Variants in LARGE1 observed in about 807,000 individuals in gnomAD.
LARGE1 encodes xylosyl- and glucuronyltransferase LARGE1.
LARGE1 carries 43 observed loss-of-function variants against 87.6 expected under a neutral mutation model. That is an observed-to-expected ratio of 0.49 (90% CI 0.38 to 0.63). The LOEUF is 0.63. Among genes scored for constraint, LARGE1 ranks in the 30% least tolerant of loss-of-function variants. The pLI is 0.00. For missense variants in LARGE1, 802 were observed against 1,000.2 expected, an observed-to-expected ratio of 0.80 and a Z score of 2.67; for synonymous variants, 434 against 394.6, an observed-to-expected ratio of 1.10 and a Z score of -1.18.
At chr22:33,174,460 G>C (rs546037397) in intron 11 of LARGE1, among the ~76,000 whole-genome samples, 1 of 152,258 alleles carries the variant, frequency 6.6e-6, no homozygotes, top group South Asian at 2.1e-4. Context: ...AAATTCAAAA[G>C]CTAGCAGAAG....
intron 1 of LARGE1, chr22:33,873,487 T>A (rs1276249260): frequency 6.6e-6 from 1 of 152,326 alleles, no homozygotes; most frequent in Non-Finnish European, 1.5e-5. Context: ...GAAGCTGAGA[T>A]GCAGGCAGGC....
chr22:33,639,587 C>T (rs2080368065), intron 3 of LARGE1, among the ~76,000 whole-genome samples: 1 of 152,148 alleles, frequency 6.6e-6, no homozygotes, highest in Admixed American at 6.5e-5. Context: ...ATGAAATAGA[C>T]TCCCAAAAGG....
chr22:33,805,192 A>G (rs577511330), intron 1 of LARGE1, among the ~76,000 whole-genome samples: 2 of 152,256 alleles, frequency 1.3e-5, no homozygotes, highest in South Asian at 4.1e-4. Flanking sequence ...TGCTGAATAT[A>G]CCTTAAAGAC....
intron 10 of LARGE1, among the ~76,000 whole-genome samples, chr22:33,331,198 T>C (rs1224215226): frequency 6.6e-6 from 1 of 152,160 alleles, no homozygotes; most frequent in East Asian, 1.9e-4. Flanking sequence ...AATGGTGTCA[T>C]GTACCCATTT....
chr22:33,210,370 T>C (rs1365118486), intron 11 of LARGE1, among the ~76,000 whole-genome samples: 1 of 152,208 alleles, frequency 6.6e-6, no homozygotes, highest in Non-Finnish European at 1.5e-5. Context: ...GGTCCCATTC[T>C]CTGAAAAATG....
At chr22:33,188,011 C>T (rs7286348) in intron 11 of LARGE1, among the ~76,000 whole-genome samples, 21,185 of 141,752 alleles carry the variant, frequency 0.15, 1,610 homozygotes, top group East Asian at 0.24. Flanking sequence ...ATAGTGTGTG[C>T]GGTAATGTCT....
chr22:33,153,381 T>C, the LARGE1 span, among the ~76,000 whole-genome samples: 4 of 152,202 alleles, frequency 2.6e-5, no homozygotes, highest in Admixed American at 6.5e-5. Flanking sequence ...TTTCTTTGAA[T>C]ATCTGTTCAT....
chr22:33,539,283 C>A lies in LARGE1; in HGVS notation c.787+25565G>T, dbSNP rs544359686. Among the ~76,000 whole-genome samples, 10 of 150,620 alleles carry A rather than the reference C, an allele frequency of 6.6e-5. No homozygotes were observed. The East Asian group carries it at 1.9e-3, about 29-fold the overall frequency. ...AAAAAAAAAAGGCAAGTCCTGGTAA[C>A]AGAATCCTGCCAGCTCTTTTAATAA... is the stretch of plus-strand genomic sequence containing the variant. On this transcript the variant is annotated intron_variant, in intron 6 of 14. Coordinates refer to ENST00000397394, the MANE Select transcript of LARGE1 (RefSeq NM_133642.5).
At chr22:33,816,689 T>TAGAG (rs1230056474) in intron 1 of LARGE1, among the ~76,000 whole-genome samples, 1 of 132,364 alleles carries the variant, frequency 7.6e-6, no homozygotes, top group Non-Finnish European at 1.7e-5. Context: ...GATAGATAGA[T>TAGAG]AGACAGACAG....
intron 1 of LARGE1, among the ~76,000 whole-genome samples, chr22:33,810,746 T>TG (rs1292569035): frequency 2.6e-5 from 4 of 151,306 alleles, no homozygotes; most frequent in Admixed American, 6.6e-5. Flanking sequence ...TTTTTTGAGA[T>TG]GGAGTCTTGC....
chr22:33,467,502 A>AT (rs1315866509), intron 6 of LARGE1, among the ~76,000 whole-genome samples: 2 of 152,242 alleles, frequency 1.3e-5, no homozygotes, highest in African/African-American at 4.8e-5. Context: ...TAGGTGAAGG[A>AT]TTAACAGAAG....
At chr22:33,645,959 G>A (rs2080599816) in intron 3 of LARGE1, among the ~76,000 whole-genome samples, 1 of 152,222 alleles carries the variant, frequency 6.6e-6, no homozygotes, top group Admixed American at 6.5e-5. Context: ...TGGAAAGGAT[G>A]TGGAGAAATA....
At chr22:33,447,413 G>T (rs1049918047) in intron 6 of LARGE1, among the ~76,000 whole-genome samples, 1 of 152,188 alleles carries the variant, frequency 6.6e-6, no homozygotes, top group African/African-American at 2.4e-5. Flanking sequence ...TGACATGCAG[G>T]GGCCGAGGGC....
intron 5 of LARGE1, among the ~76,000 whole-genome samples, chr22:33,598,034 C>T (rs535595283): frequency 6.6e-6 from 1 of 152,118 alleles, no homozygotes; most frequent in Non-Finnish European, 1.5e-5. Context: ...AGGAGCCATG[C>T]TTAATATACT....
intron 6 of LARGE1, among the ~76,000 whole-genome samples, chr22:33,451,801 C>A (rs532794535): frequency 6.6e-6 from 1 of 152,300 alleles, no homozygotes; most frequent in South Asian, 2.1e-4. Flanking sequence ...TTGTGATCCA[C>A]CCGCCTCGGC....
chr22:33,480,760 CTT>C (rs1485493887), intron 6 of LARGE1, among the ~76,000 whole-genome samples: 1 of 152,056 alleles, frequency 6.6e-6, no homozygotes, highest in Non-Finnish European at 1.5e-5. Flanking sequence ...ATAATGCAGT[CTT>C]AGACTTTTAT....
chr22:33,519,017 AG>A (rs2071439772), intron 6 of LARGE1, among the ~76,000 whole-genome samples: 1 of 152,138 alleles, frequency 6.6e-6, no homozygotes, highest in Non-Finnish European at 1.5e-5. Context: ...AAAACAAGAC[AG>A]CTAGTTGGAA....
At chr22:33,540,424 T>G (rs1049092016) in intron 6 of LARGE1, among the ~76,000 whole-genome samples, 1 of 152,220 alleles carries the variant, frequency 6.6e-6, no homozygotes, top group Non-Finnish European at 1.5e-5. Context: ...GATGTTGGAT[T>G]GGATTTTGAT....
intron 2 of LARGE1, among the ~76,000 whole-genome samples, chr22:33,684,077 T>C (rs2081869300): frequency 6.6e-6 from 1 of 152,120 alleles, no homozygotes; most frequent in African/African-American, 2.4e-5. Flanking sequence ...AGTTTTGTAG[T>C]GAGCTGCTCT....
Sources: allele counts gnomAD v4.1 joint callset (sites outside exome capture counted in the v4.1 genomes callset), GRCh38; gene constraint gnomAD v4.1.1; transcripts MANE v1.5; gene names NCBI Gene and HGNC (gene_info 2026-07-23, HGNC 2026-07-21).